The following ZNF69 variants were observed in gnomAD, a reference collection of about 807,000 sequenced individuals.
ZNF69 encodes the protein zinc finger protein 69, also known as ZNF3.
Under a neutral mutation model 50.9 loss-of-function variants are expected in ZNF69, and 47 were observed. The ratio of observed to expected loss-of-function variants is 0.92; its 90% confidence interval spans 0.73 to 1.18. The LOEUF is 1.18. ZNF69 is among the 50% of genes most tolerant of loss of function. ZNF69 has a pLI of 0.00. For missense variants in ZNF69, 717 were observed against 675.1 expected (o/e 1.06, Z -0.69); for synonymous variants, 216 against 223.1 (o/e 0.97, Z 0.29).
the ZNF69 span, among the ~76,000 whole-genome samples, chr19:11,973,245 T>G: frequency 6.6e-6 from 1 of 152,196 alleles, no homozygotes; most frequent in Admixed American, 6.5e-5. Context: ...TGATGTTCCT[T>G]CCTCTAGAGT....
downstream of ZNF69, among the ~76,000 whole-genome samples, chr19:11,916,690 G>A (rs1018373168): frequency 2.0e-5 from 3 of 152,286 alleles, no homozygotes; most frequent in Non-Finnish European, 4.4e-5. Flanking sequence ...ATTTCATTTT[G>A]ACTAAAGATC....
chr19:11,915,517 G>A (rs145598249), downstream of ZNF69, among the ~76,000 whole-genome samples: 334 of 152,306 alleles, frequency 2.2e-3, 2 homozygotes, highest in African/African-American at 7.8e-3. Flanking sequence ...TGGAGCACAG[G>A]CCCAAAGGGT....
chr19:11,923,372 TA>T, the ZNF69 span, among the ~76,000 whole-genome samples: 34 of 152,184 alleles, frequency 2.2e-4, no homozygotes, highest in African/African-American at 8.2e-4. Flanking sequence ...TTAGTTATGA[TA>T]GCTACTGGCT....
At chr19:11,929,529 G>A in the ZNF69 span, among the ~76,000 whole-genome samples, 1 of 148,138 alleles carries the variant, frequency 6.8e-6, no homozygotes, top group Non-Finnish European at 1.5e-5. Context: ...AAGGTAATAG[G>A]TAAATTGTGC....
chr19:11,948,771 A>G, the ZNF69 span: 4 of 1,608,794 alleles, frequency 2.5e-6, no homozygotes, highest in African/African-American at 2.7e-5. Flanking sequence ...GAGAGAAACC[A>G]TATGAATGTA....
At chr19:11,904,553 G>A (rs996588388) in intron 3 of ZNF69, 96 bp from the exon 4 acceptor site, 8 of 1,479,146 alleles carry the variant, frequency 5.4e-6, no homozygotes, top group African/African-American at 1.4e-5. Context: ...CCTACACTTT[G>A]ATGGACAGTG....
intron 3 of ZNF69, 95 bp downstream of exon 3, chr19:11,904,060 C>A: frequency 7.1e-7 from 1 of 1,409,002 alleles, no homozygotes; most frequent in Non-Finnish European, 9.7e-7. Context: ...AGTCCAGGAT[C>A]AAATACATTT....
At chr19:11,950,280 G>T in the ZNF69 span, 1 of 1,587,226 alleles carries the variant, frequency 6.3e-7, no homozygotes, top group Non-Finnish European at 8.5e-7. Flanking sequence ...GACATGAATA[G>T]ACTCACACTG....
chr19:11,931,234 A>G, the ZNF69 span, among the ~76,000 whole-genome samples: 2 of 148,036 alleles, frequency 1.4e-5, no homozygotes, highest in South Asian at 2.1e-4. Context: ...TCTTGAGGTC[A>G]TGAAGTCCAT....
chr19:11,918,283 G>A (rs550122947), downstream of ZNF69, among the ~76,000 whole-genome samples: 22 of 152,212 alleles, frequency 1.4e-4, no homozygotes, highest in Middle Eastern at 3.4e-3. Context: ...CTTTATTCTT[G>A]TGATTTGCCA....
intron 1 of ZNF69, among the ~76,000 whole-genome samples, chr19:11,896,687 G>C (rs538127215): frequency 6.6e-5 from 10 of 152,080 alleles, no homozygotes; most frequent in African/African-American, 2.4e-4. Context: ...CTATATTGGG[G>C]GTAGGTTATT....
At chr19:11,923,615 C>A in the ZNF69 span, among the ~76,000 whole-genome samples, 1 of 152,176 alleles carries the variant, frequency 6.6e-6, no homozygotes. Context: ...TCATTGACTG[C>A]GAGTCCCTCA....
the ZNF69 span, chr19:11,950,487 T>C: frequency 1.5e-6 from 1 of 658,520 alleles, no homozygotes; most frequent in Non-Finnish European, 2.8e-6. Flanking sequence ...GTATTCTAGT[T>C]CCGTTTGATA....
chr19:11,961,922 T>TACACACACACACACACACAC, the ZNF69 span, among the ~76,000 whole-genome samples: 3 of 144,974 alleles, frequency 2.1e-5, no homozygotes, highest in Non-Finnish European at 4.5e-5. Context: ...TGGCCTCTTT[T>TACACACACACACACACACAC]ACACACACAC....
At chr19:11,949,853 A>G in the ZNF69 span, 6 of 1,613,904 alleles carry the variant, frequency 3.7e-6, no homozygotes, top group African/African-American at 1.3e-5. Flanking sequence ...CTTCGAAAGC[A>G]TGGTAGGACT....
the ZNF69 span, among the ~76,000 whole-genome samples, chr19:11,957,562 T>C: frequency 6.6e-6 from 1 of 150,874 alleles, no homozygotes; most frequent in Non-Finnish European, 1.5e-5. Flanking sequence ...AATTCAGGGG[T>C]GGCTGGGTGT....
At chr19:11,951,712 T>A in the ZNF69 span, among the ~76,000 whole-genome samples, 2 of 152,254 alleles carry the variant, frequency 1.3e-5, no homozygotes, top group South Asian at 4.1e-4. Context: ...GTCACATTAG[T>A]AAGAAGAGAA....
At chr19:11,948,676 G>A in the ZNF69 span, 54 of 1,612,180 alleles carry the variant, frequency 3.3e-5, no homozygotes, top group Non-Finnish European at 4.2e-6. Flanking sequence ...AATGCACAGT[G>A]GGGATGGAAC....
At chr19:11,932,975 G>T in the ZNF69 span, among the ~76,000 whole-genome samples, 1 of 148,460 alleles carries the variant, frequency 6.7e-6, no homozygotes. Context: ...TTTAAACTCA[G>T]TTATGAACCT....
Sources: gnomAD v4.1 joint callset for allele counts (sites outside exome capture counted in the v4.1 genomes callset) on GRCh38, gnomAD v4.1.1 for gene constraint, MANE v1.5 for transcripts, NCBI Gene and HGNC (gene_info 2026-07-23, HGNC 2026-07-21) for gene names.